The following EPHA6 variants were observed in gnomAD, a reference collection of about 807,000 sequenced individuals.
The protein encoded by EPHA6 is ephrin type-A receptor 6.
EPHA6 carries 50 observed loss-of-function variants against 112.0 expected under a neutral mutation model. The observed-to-expected ratio is 0.45, with a 90% CI of 0.36 to 0.56. The LOEUF (loss-of-function observed/expected upper bound fraction) is 0.56. Among genes scored for constraint, EPHA6 ranks in the 20% least tolerant of loss-of-function variants. The pLI is 0.00. For synonymous variants in EPHA6, 529 were observed against 490.7 expected (o/e 1.08, Z -1.03); for missense variants, 1,280 against 1,417.4 (o/e 0.90, Z 1.56).
chr3:97,227,977 G>C (rs904854372), intron 4 of EPHA6, among the ~76,000 whole-genome samples: 1 of 152,060 alleles, frequency 6.6e-6, no homozygotes, highest in East Asian at 1.9e-4. Flanking sequence ...GCGGTGGAGT[G>C]GGTCTTTAAA....
At chr3:97,362,812 C>T (rs1359483227) in intron 5 of EPHA6, among the ~76,000 whole-genome samples, 1 of 151,738 alleles carries the variant, frequency 6.6e-6, no homozygotes, top group Non-Finnish European at 1.5e-5. Context: ...ATGGTCCAAT[C>T]TGTGAAAGTG....
At chr3:97,344,262 C>T (rs2083439283) in intron 5 of EPHA6, among the ~76,000 whole-genome samples, 1 of 152,014 alleles carries the variant, frequency 6.6e-6, no homozygotes, top group Non-Finnish European at 1.5e-5. Flanking sequence ...CTGAGAAGGA[C>T]AGGAATTACA....
intron 3 of EPHA6, among the ~76,000 whole-genome samples, chr3:97,000,811 A>ATG (rs1047581280): frequency 1.3e-5 from 2 of 151,374 alleles, no homozygotes; most frequent in Admixed American, 1.3e-4. Flanking sequence ...ATATATATAT[A>ATG]TAGTGTATAT....
At chr3:97,106,727 C>T (rs2047581652) in intron 3 of EPHA6, among the ~76,000 whole-genome samples, 1 of 152,106 alleles carries the variant, frequency 6.6e-6, no homozygotes, top group Non-Finnish European at 1.5e-5. Context: ...ACTAAAAGAG[C>T]ACCCTGTAAC....
intron 10 of EPHA6, among the ~76,000 whole-genome samples, chr3:97,501,318 C>A (rs1402348245): frequency 6.6e-6 from 1 of 151,268 alleles, no homozygotes; most frequent in African/African-American, 2.5e-5. Context: ...TTTAAAAATT[C>A]TATCTTATGA....
intron 5 of EPHA6, among the ~76,000 whole-genome samples, chr3:97,262,077 T>A (rs551875018): frequency 7.9e-5 from 12 of 152,270 alleles, no homozygotes; most frequent in South Asian, 6.2e-4. Flanking sequence ...GCCAGAAACA[T>A]ACTTTCATCA....
chr3:97,167,500 G>A (rs1193656935), intron 3 of EPHA6, among the ~76,000 whole-genome samples: 1 of 152,022 alleles, frequency 6.6e-6, no homozygotes, highest in African/African-American at 2.4e-5. Context: ...GGATATTCAT[G>A]TTAACTTTTA....
intron 2 of EPHA6, among the ~76,000 whole-genome samples, chr3:96,893,947 A>G (rs2038121302): frequency 6.6e-6 from 1 of 152,326 alleles, no homozygotes; most frequent in South Asian, 2.1e-4. Context: ...GAAACTCTAG[A>G]TAAGCTGATT....
chr3:97,421,539 A>C (rs2088628678), intron 6 of EPHA6, among the ~76,000 whole-genome samples: 1 of 152,190 alleles, frequency 6.6e-6, no homozygotes, highest in Non-Finnish European at 1.5e-5. Flanking sequence ...AGCTTATCAT[A>C]GAAAGATCAA....
chr3:97,186,352 T>C (rs980579519), intron 3 of EPHA6, among the ~76,000 whole-genome samples: 3 of 152,122 alleles, frequency 2.0e-5, no homozygotes, highest in Non-Finnish European at 4.4e-5. Context: ...TTCTCAGAAG[T>C]ACAGCTCATA....
chr3:97,731,847 C>T (rs1200189724), intron 15 of EPHA6, among the ~76,000 whole-genome samples: 2 of 152,000 alleles, frequency 1.3e-5, no homozygotes, highest in Non-Finnish European at 2.9e-5. Flanking sequence ...TCTGTCCTCT[C>T]TCTTTACCAG....
At chr3:97,337,531 A>G (rs780773303) in intron 5 of EPHA6, among the ~76,000 whole-genome samples, 7 of 152,168 alleles carry the variant, frequency 4.6e-5, no homozygotes, top group Non-Finnish European at 8.8e-5. Flanking sequence ...TATCCAGGAG[A>G]TATTTTCAAG....
At chr3:97,313,300 A>T (rs536719207) in intron 5 of EPHA6, among the ~76,000 whole-genome samples, 2 of 151,608 alleles carry the variant, frequency 1.3e-5, no homozygotes, top group Non-Finnish European at 3.0e-5. Context: ...GTTGATGGAT[A>T]TTTAGGTTCC....
chr3:97,619,310 C>T (rs2093793017), intron 13 of EPHA6, among the ~76,000 whole-genome samples: 1 of 151,538 alleles, frequency 6.6e-6, no homozygotes, highest in African/African-American at 2.4e-5. Flanking sequence ...CAACATCATA[C>T]TGAATGGGCA....
intron 5 of EPHA6, among the ~76,000 whole-genome samples, chr3:97,276,846 G>T (rs534109657): frequency 6.6e-6 from 1 of 152,250 alleles, no homozygotes; most frequent in East Asian, 1.9e-4. Flanking sequence ...TAAGGAAAAA[G>T]GAAAAGGAGC....
intron 5 of EPHA6, among the ~76,000 whole-genome samples, chr3:97,342,585 G>A (rs1186228413): frequency 3.3e-5 from 5 of 152,254 alleles, no homozygotes; most frequent in South Asian, 2.1e-4. Flanking sequence ...ATATGTTGAC[G>A]CCCTAACCTT....
intron 5 of EPHA6, among the ~76,000 whole-genome samples, chr3:97,340,460 C>T (rs1157951282): frequency 6.6e-6 from 1 of 152,190 alleles, no homozygotes; most frequent in African/African-American, 2.4e-5. Context: ...GGCTTTTGCT[C>T]TCAGGCTTTT....
intron 6 of EPHA6, among the ~76,000 whole-genome samples, chr3:97,427,220 A>G (rs577325030): frequency 2.6e-5 from 4 of 152,214 alleles, no homozygotes; most frequent in South Asian, 4.1e-4. Context: ...ATGTCATTCT[A>G]CTATAAAGAC....
At chr3:96,871,101 C>G (rs550385196) in intron 2 of EPHA6, among the ~76,000 whole-genome samples, 1 of 152,044 alleles carries the variant, frequency 6.6e-6, no homozygotes, top group East Asian at 1.9e-4. Flanking sequence ...AACTTCACAA[C>G]ATATATGGTA....
Sources: allele counts gnomAD v4.1 joint callset (sites outside exome capture counted in the v4.1 genomes callset), GRCh38; gene constraint gnomAD v4.1.1; transcripts MANE v1.5; gene names NCBI Gene and HGNC (gene_info 2026-07-23, HGNC 2026-07-21).